The following SMYD3 variants were observed in gnomAD, a reference collection of about 807,000 sequenced individuals.
SMYD3 encodes histone-lysine N-methyltransferase SMYD3.
In SMYD3, 36 loss-of-function variants were observed where a neutral mutation model predicts 57.7. The observed-to-expected ratio is 0.62, with a 90% CI of 0.48 to 0.82. SMYD3 has a LOEUF of 0.82. Among genes scored for constraint, SMYD3 ranks in the 40% least tolerant of loss-of-function variants. The probability of loss-of-function intolerance (pLI) is 0.00; values close to 1 mark genes in which losing one functional copy is unlikely to be tolerated. For missense variants in SMYD3, 515 were observed against 538.8 expected, an observed-to-expected ratio of 0.96 and a Z score of 0.44; for synonymous variants, 211 against 195.0, an observed-to-expected ratio of 1.08 and a Z score of -0.68.
At chr1:246,237,644 T>A (rs2063533115) in intron 5 of SMYD3, among the ~76,000 whole-genome samples, 1 of 152,212 alleles carries the variant, frequency 6.6e-6, no homozygotes, top group Non-Finnish European at 1.5e-5. Flanking sequence ...ATTTTAAAAG[T>A]CCCTGTAAAC....
intron 1 of SMYD3, among the ~76,000 whole-genome samples, chr1:246,481,900 C>T (rs1249466756): frequency 1.3e-5 from 2 of 151,476 alleles, no homozygotes; most frequent in African/African-American, 4.8e-5. Context: ...CTCACACTTG[C>T]AATCCCAGCA....
chr1:245,873,040 A>G (rs759266867), intron 8 of SMYD3, among the ~76,000 whole-genome samples: 3 of 151,946 alleles, frequency 2.0e-5, no homozygotes, highest in Non-Finnish European at 4.4e-5. Flanking sequence ...GAGAGAATAA[A>G]AACAGCATCT....
intron 10 of SMYD3, among the ~76,000 whole-genome samples, chr1:245,785,585 C>T (rs1274979087): frequency 6.6e-6 from 1 of 152,150 alleles, no homozygotes; most frequent in African/African-American, 2.4e-5. Context: ...AACCCCTCCC[C>T]ATCCCCTTGG....
intron 8 of SMYD3, among the ~76,000 whole-genome samples, chr1:245,885,201 A>G (rs1188655008): frequency 1.3e-5 from 2 of 152,204 alleles, no homozygotes; most frequent in Non-Finnish European, 2.9e-5. Context: ...AACTCTGGAC[A>G]CATCTGAACA....
intron 5 of SMYD3, among the ~76,000 whole-genome samples, chr1:246,266,746 G>A (rs1770015): frequency 0.55 from 83,252 of 151,604 alleles, 23,932 homozygotes; most frequent in African/African-American, 0.69. Flanking sequence ...GCAGTGAGCC[G>A]AGATTGCACC....
intron 5 of SMYD3, chr1:246,109,830 G>A (rs1205809780): frequency 1.3e-5 from 2 of 152,202 alleles, no homozygotes; most frequent in Non-Finnish European, 2.9e-5. Flanking sequence ...GTCTTACTAT[G>A]AGGATGTCCG....
At chr1:246,007,480 G>A (rs76164696) in intron 5 of SMYD3, among the ~76,000 whole-genome samples, 8,331 of 152,064 alleles carry the variant, frequency 0.055, 268 homozygotes, top group Non-Finnish European at 0.069. Context: ...AGATGGAAGA[G>A]TTAGGGGAAT....
At chr1:245,918,283 G>A (rs1273060343) in intron 7 of SMYD3, among the ~76,000 whole-genome samples, 1 of 152,200 alleles carries the variant, frequency 6.6e-6, no homozygotes, top group African/African-American at 2.4e-5. Flanking sequence ...AAGGTCTTGG[G>A]TTCAGGTAAC....
intron 5 of SMYD3, among the ~76,000 whole-genome samples, chr1:246,168,022 A>C (rs1366595664): frequency 6.6e-6 from 1 of 152,200 alleles, no homozygotes; most frequent in East Asian, 1.9e-4. Context: ...ACAAAACGCA[A>C]AACAGTGCGG....
chr1:246,069,744 G>A (rs947053082), intron 5 of SMYD3, among the ~76,000 whole-genome samples: 4 of 152,152 alleles, frequency 2.6e-5, no homozygotes, highest in Non-Finnish European at 5.9e-5. Context: ...TGAGGCAGAG[G>A]CAGCAGCAGG....
Position 246,169,328 on chromosome 1 carries a change from A to C in SMYD3, c.531+157873T>G, listed in dbSNP as rs558274041. On this transcript the variant is annotated intron_variant, in intron 5 of 11. Transcript: ENST00000490107. ...AAAAACGCCAAAGTTAATTTAACAA[A>C]TATAGAGAAGGAAAATTGGTCAAAG... Among the ~76,000 whole-genome samples the C allele has an allele frequency of 2.0e-5, 3 of 149,312 alleles. No homozygotes were observed. The Admixed American group carries it at 2.0e-4, about 10-fold the overall frequency.
chr1:246,176,180 T>G (rs914499817), intron 5 of SMYD3, among the ~76,000 whole-genome samples: 6 of 152,178 alleles, frequency 3.9e-5, no homozygotes, highest in Non-Finnish European at 8.8e-5. Context: ...AAAATAATAA[T>G]TCTTTTTTAT....
intron 11 of SMYD3, among the ~76,000 whole-genome samples, chr1:245,763,378 TG>T (rs2045936299): frequency 6.6e-6 from 1 of 151,740 alleles, no homozygotes; most frequent in South Asian, 2.1e-4. Context: ...CCTGGCAGGG[TG>T]GGCAGAGAGC....
In SMYD3 at chr1:246,391,254, C is replaced by T. The variant is rs915321342; in HGVS notation, c.165-36160G>A. ...AAAAAAAAAGGCACAGTGGCATGCA[C>T]CTATATTCCTAGATACATGGGAGGC... On this transcript the variant is annotated intron_variant, in intron 1 of 11. Coordinates refer to ENST00000490107, the MANE Select transcript of SMYD3 (RefSeq NM_001167740.2). Among the ~76,000 whole-genome samples the T allele has an allele frequency of 3.3e-5, 5 of 149,634 alleles. No individual in the cohort carries two copies. In the South Asian group the frequency reaches 6.4e-4, roughly 19 times the overall value.
chr1:245,891,323 A>G (rs1010109135), intron 8 of SMYD3, among the ~76,000 whole-genome samples: 4 of 152,230 alleles, frequency 2.6e-5, no homozygotes, highest in Non-Finnish European at 5.9e-5. Flanking sequence ...GTATCAAAAT[A>G]TTTATCTCAT....
At chr1:245,766,400 TA>T (rs35500837) in intron 10 of SMYD3, among the ~76,000 whole-genome samples, 1,023 of 101,718 alleles carry the variant, frequency 0.01, 13 homozygotes, top group African/African-American at 0.03. Flanking sequence ...GACTCTGTCT[TA>T]AAAAAAAAAA....
rs190504486 is a variant in SMYD3, at chr1:246,054,080, T to G, written c.532-124143A>C. On this transcript the variant is annotated intron_variant, in intron 5 of 11. Coordinates refer to ENST00000490107, the MANE Select transcript of SMYD3 (RefSeq NM_001167740.2). Reference sequence around the variant, plus strand: ...AAAGAACTCTTACAACTCAACAACATGAAAACAACCCAAAATAATATAGGC... The same window carrying G: ...AAAGAACTCTTACAACTCAACAACAGGAAAACAACCCAAAATAATATAGGC... Among the ~76,000 whole-genome samples, 12 of 152,000 alleles carry G rather than the reference T, an allele frequency of 7.9e-5. No individual in the cohort carries two copies. In the East Asian group the frequency reaches 2.3e-3, roughly 29 times the overall value.
At chr1:245,885,039 C>T (rs1038010174) in intron 8 of SMYD3, among the ~76,000 whole-genome samples, 8 of 151,986 alleles carry the variant, frequency 5.3e-5, no homozygotes, top group Non-Finnish European at 8.8e-5. Context: ...CGAAGGTCTG[C>T]GGCTTCACTC....
chr1:245,921,394 A>G (rs182025548), intron 7 of SMYD3, among the ~76,000 whole-genome samples: 178 of 152,268 alleles, frequency 1.2e-3, no homozygotes, highest in Non-Finnish European at 1.2e-4. Context: ...CTACCATTTG[A>G]GCCAACAATC....
Sources: allele counts gnomAD v4.1 joint callset (sites outside exome capture counted in the v4.1 genomes callset), GRCh38; gene constraint gnomAD v4.1.1; transcripts MANE v1.5; gene names NCBI Gene and HGNC (gene_info 2026-07-23, HGNC 2026-07-21).